RIPOR3: variants seen among roughly 807,000 people sequenced by gnomAD.
The protein encoded by RIPOR3 is family with sequence similarity 65 member C.
RIPOR3 carries 95 observed loss-of-function variants against 114.3 expected under a neutral mutation model. The ratio of observed to expected loss-of-function variants is 0.83; its 90% CI spans 0.70 to 0.99. RIPOR3 has a LOEUF of 0.99. Among genes scored for constraint, RIPOR3 ranks in the 50% least tolerant of loss-of-function variants. The pLI is 0.00. For synonymous variants in RIPOR3, 575 were observed against 543.8 expected, an observed-to-expected ratio of 1.06 and a Z score of -0.80; for missense variants, 1,252 against 1,266.9, an observed-to-expected ratio of 0.99 and a Z score of 0.18.
At chr20:50,589,820 C>T in intron 19 of RIPOR3, 51 bp from the exon 20 acceptor site, 4 of 1,557,394 alleles carry the variant, frequency 2.6e-6, no homozygotes, top group Non-Finnish European at 2.6e-6. Flanking sequence ...AAGTGGAGTC[C>T]ATGGTTCCGG....
At chr20:50,609,749 G>A (rs115299032) in intron 6 of RIPOR3, 27 bp from the exon 7 acceptor site, 16 of 1,355,492 alleles carry the variant, frequency 1.2e-5, no homozygotes, top group Admixed American at 3.7e-5. Context: ...GGCTGGTGGC[G>A]CTGCCCACGC....
At chr20:50,661,564 A>C (rs528138058) in intron 1 of RIPOR3, among the ~76,000 whole-genome samples, 1 of 152,262 alleles carries the variant, frequency 6.6e-6, no homozygotes, top group Non-Finnish European at 1.5e-5. Context: ...CCCAAGTGAC[A>C]AGTTCCCCTT....
In RIPOR3 at chr20:50,609,321, G is replaced by A. The variant is rs1319032127; in HGVS notation, c.612C>T (p.His204=). The change falls in exon 8 of 22, where the codon CAC becomes CAT. Residue 204 remains histidine, a synonymous_variant. Coordinates refer to ENST00000327979, the MANE Select transcript of RIPOR3 (RefSeq NM_001290268.2). ...TCATCCTGATGTGGAACTCGCCCAG[G>A]TGAACCTCCAGGGCCCCCTCGATGA... ...MWLIEGALEV[H]LGEFHIRMKG... is the part of the protein sequence containing the mutation. 1 of 1,613,810 alleles carries A rather than the reference G, an allele frequency of 6.2e-7. No homozygotes were observed. Among genetic ancestry groups the A allele is most frequent in the Non-Finnish European group, 8.5e-7 (1 of 1,179,884 alleles).
chr20:50,642,345 GGTGTGTGT>G (rs71190581), intron 1 of RIPOR3, among the ~76,000 whole-genome samples: 14 of 96,436 alleles, frequency 1.5e-4, no homozygotes, highest in African/African-American at 5.7e-4. Context: ...GTTCTCTGTG[GGTGTGTGT>G]GTGTGTGTGT....
At chr20:50,615,057 A>AAAAAC (rs371330296) in intron 4 of RIPOR3, among the ~76,000 whole-genome samples, 4 of 152,092 alleles carry the variant, frequency 2.6e-5, no homozygotes, top group South Asian at 2.1e-4. Flanking sequence ...ACTCCATCTC[A>AAAAAC]AAAACAAAAC....
In RIPOR3 at chr20:50,609,596, G is replaced by A. The variant is rs1470135745; in HGVS notation, c.553C>T (p.Arg185Cys). The change falls in exon 7 of 22, where the codon CGC becomes TGC. Residue 185 changes from arginine (R) to cysteine (C), a missense_variant. Arg to Cys is a radical substitution (Grantham distance 180). Transcript: ENST00000327979. ...ACCTCGGCGCACTCGTGCAGGCTGC[G>A]GCCCAGCTCCTGCAGGCTCTCTCGG... ...AARESLQELG[R>C]SLHECAEDMW... 39 of 1,416,610 alleles carry A rather than the reference G, an allele frequency of 2.8e-5. No individual in the cohort carries two copies. The East Asian group carries it at 5.1e-4, about 18-fold the overall frequency. 87.8% of individuals were successfully genotyped at this position (1,416,610 alleles called of 1,614,324 possible). A position where few individuals can be genotyped will look rare whatever the true frequency, so the allele number is the denominator to read the frequency against.
At chr20:50,628,927 G>A (rs896184385) in intron 2 of RIPOR3, among the ~76,000 whole-genome samples, 3 of 152,152 alleles carry the variant, frequency 2.0e-5, no homozygotes, top group Admixed American at 6.5e-5. Flanking sequence ...TCCTATCCCC[G>A]CAGCAAATGC....
Position 50,592,365 on chromosome 20 carries a change from C to A in RIPOR3, c.2556G>T (p.Arg852Ser). 9 of 1,594,292 alleles carry A rather than the reference C, an allele frequency of 5.6e-6. 1 individual carries two copies. Among genetic ancestry groups the A allele is most frequent in the Non-Finnish European group, 7.7e-6 (9 of 1,167,264 alleles). The change falls in exon 19 of 22, where the codon AGG becomes AGT. Residue 852 changes from arginine to serine, a missense_variant. By Grantham distance (110) the Arg-to-Ser change is moderately radical. Transcript: ENST00000327979. ...GTACCTTTTCCCGGAAGCTTCTGTTCCTGACTGCACCAGCCAGGCGAGCGC... is the reference window on the plus strand; with the variant it reads ...GTACCTTTTCCCGGAAGCTTCTGTTACTGACTGCACCAGCCAGGCGAGCGC... Reference protein sequence around the residue: ...AASARLAGAVRNRSFREKALL... With the variant: ...AASARLAGAVSNRSFREKALL...
chr20:50,608,693 T>C lies in RIPOR3; in HGVS notation c.730A>G (p.Ile244Val). The C allele has an allele frequency of 6.2e-7, 1 of 1,614,030 alleles. No homozygotes were observed. Among genetic ancestry groups the C allele is most frequent in the South Asian group, 1.1e-5 (1 of 91,080 alleles). The change falls in exon 10 of 22, where the codon ATC becomes GTC. Residue 244 changes from isoleucine (I) to valine (V), a missense_variant. By Grantham distance (29) the Ile-to-Val change is conservative. Coordinates refer to ENST00000327979, the MANE Select transcript of RIPOR3 (RefSeq NM_001290268.2). Reference protein sequence around the residue: ...GRQRWKLKGRIESDDSQTWDE... With the variant: ...GRQRWKLKGRVESDDSQTWDE... ...CAGGTCTGGCTGTCATCTGACTCGA[T>C]CCGACCCTTGAGCTTCCAACGCTGG...
intron 1 of RIPOR3, among the ~76,000 whole-genome samples, chr20:50,643,124 C>CTTT (rs34994340): frequency 7.2e-6 from 1 of 139,460 alleles, no homozygotes; most frequent in Non-Finnish European, 1.6e-5. Flanking sequence ...AATCTCAGCA[C>CTTT]TTTTTTTTTT....
intron 18 of RIPOR3, 102 bp downstream of exon 18, chr20:50,592,933 C>T (rs1017070239): frequency 1.6e-5 from 22 of 1,408,312 alleles, no homozygotes; most frequent in East Asian, 2.3e-5. Flanking sequence ...GAACAGTTGG[C>T]GGGGATGGAT....
At chr20:50,666,227 T>TTCCCTTTCCCTTTCCCTTTCCC (rs1355256257) in intron 1 of RIPOR3, among the ~76,000 whole-genome samples, 1 of 14,512 alleles carries the variant, frequency 6.9e-5, no homozygotes, top group African/African-American at 1.1e-4. Flanking sequence ...CTTTTCTTTT[T>TTCCCTTTCCCTTTCCCTTTCCC]TGAGACGGAG....
intron 4 of RIPOR3, among the ~76,000 whole-genome samples, chr20:50,612,472 G>A (rs2084011174): frequency 6.6e-6 from 1 of 152,124 alleles, no homozygotes; most frequent in Non-Finnish European, 1.5e-5. Context: ...GTGGAGATTA[G>A]AGTCACTATG....
At chr20:50,628,123 G>A (rs1018857397) in intron 2 of RIPOR3, among the ~76,000 whole-genome samples, 1 of 152,220 alleles carries the variant, frequency 6.6e-6, no homozygotes, top group African/African-American at 2.4e-5. Context: ...TTGAGAAACA[G>A]CATCATTTCC....
chr20:50,611,152 C>A (rs945436876), intron 5 of RIPOR3, 29 bp downstream of exon 5: 1 of 1,614,148 alleles, frequency 6.2e-7, no homozygotes, highest in Non-Finnish European at 8.5e-7. Flanking sequence ...CCAGGCCCAG[C>A]CCACCTCACT....
At chr20:50,595,002 CAGAGG>C in intron 16 of RIPOR3, 1 of 499,884 alleles carries the variant, frequency 2.0e-6, no homozygotes. Flanking sequence ...TCCCACGGGG[CAGAGG>C]CACAGCTGGG....
intron 1 of RIPOR3, among the ~76,000 whole-genome samples, chr20:50,667,664 G>A (rs1437863392): frequency 6.6e-6 from 1 of 152,204 alleles, no homozygotes; most frequent in Admixed American, 6.5e-5. Context: ...AGAGGGGAGG[G>A]CAGGGGCCAT....
chr20:50,602,474 C>G lies in RIPOR3; in HGVS notation c.1257G>C (p.Glu419Asp), dbSNP rs144558424. 6.5e-3 allele frequency: 10,132 copies of G among 1,559,796 alleles called. 46 individuals carry two copies. The highest frequency in any genetic ancestry group is 8.1e-3 in the Non-Finnish European group (9,280 of 1,150,112). The change falls in exon 13 of 22, where the codon GAG (glutamate) becomes GAC (aspartate). Residue 419 changes from glutamate to aspartate, a missense_variant. Transcript: ENST00000327979. This position sits in a 1 kb window ranked among gnomAD's most constrained non-coding sequence, Gnocchi z 4.3. The part of the protein sequence containing the change: ...SFSSEDPRDT[E>D]TSTSASTSDV... ...CTGAGGTGGACGCCGACGTGCTGGTCTCCGTGTCTCGGGGGTCCTCAGAGC... is the reference window on the plus strand; with the variant it reads ...CTGAGGTGGACGCCGACGTGCTGGTGTCCGTGTCTCGGGGGTCCTCAGAGC...
rs2083555084 is a variant in RIPOR3 at position 50,602,810 on chromosome 20, C to T, written c.1087-166G>A. The stretch of plus-strand genomic sequence containing the variant: ...CCCAGAGGTGCAGAAAAAACCCTGT[C>T]CCCTCTCTGCACTTATCCCCCATCC... On this transcript the variant is annotated intron_variant, in intron 12 of 21. Transcript: ENST00000327979. The surrounding 1 kb of genome is among the most constrained non-coding windows in gnomAD (Gnocchi z 4.3). Among the ~76,000 whole-genome samples, 1 of 152,186 alleles carries T rather than the reference C, an allele frequency of 6.6e-6. No homozygotes were observed. Among genetic ancestry groups the T allele is most frequent in the South Asian group, 2.1e-4 (1 of 4,832 alleles).
Sources: allele counts gnomAD v4.1 joint callset (sites outside exome capture counted in the v4.1 genomes callset), GRCh38; gene constraint gnomAD v4.1.1; non-coding constraint Gnocchi (gnomAD v3.1); transcripts MANE v1.5; gene names NCBI Gene and HGNC (gene_info 2026-07-23, HGNC 2026-07-21).